Variants in PREX1 observed in about 807,000 individuals in gnomAD.
The protein encoded by PREX1 is phosphatidylinositol 3,4,5-trisphosphate-dependent Rac exchanger 1 protein.
In PREX1, 41 loss-of-function variants were observed where a neutral mutation model predicts 198.3. That is an observed-to-expected ratio of 0.21 (90% CI 0.16 to 0.27). The LOEUF is 0.27. Ranked by LOEUF, PREX1 falls within the 10% of genes least tolerant of loss-of-function variation. The probability of loss-of-function intolerance (pLI) is 1.00; values close to 1 mark genes in which losing one functional copy is unlikely to be tolerated. For missense variants in PREX1, 1,620 were observed against 2,200.7 expected (o/e 0.74, Z 5.28); for synonymous variants, 843 against 887.2 (o/e 0.95, Z 0.89).
chr20:48,809,940 G>A (rs571786078), intron 1 of PREX1, among the ~76,000 whole-genome samples: 4 of 152,256 alleles, frequency 2.6e-5, no homozygotes, highest in East Asian at 1.9e-4. Flanking sequence ...AAACAGATTC[G>A]CACCCTCTAA....
intron 1 of PREX1, among the ~76,000 whole-genome samples, chr20:48,815,802 T>G (rs2090456249): frequency 6.6e-6 from 1 of 150,974 alleles, no homozygotes; most frequent in Admixed American, 6.6e-5. Context: ...AGGTCAGGGG[T>G]TTGAGACCAC....
chr20:48,776,242 G>A (rs2426100), intron 1 of PREX1, among the ~76,000 whole-genome samples: 1 of 151,982 alleles, frequency 6.6e-6, no homozygotes, highest in Non-Finnish European at 1.5e-5. Context: ...AAAGAGTGAA[G>A]CTAGAGTCCG....
chr20:48,747,782 A>T (rs200708006), intron 2 of PREX1, 27 bp downstream of exon 2: 278 of 1,596,372 alleles, frequency 1.7e-4, no homozygotes, highest in Non-Finnish European at 1.4e-5. Flanking sequence ...GATGCTCTAG[A>T]ACAGGGGCCA....
chr20:48,716,649 G>A (rs766053992), intron 5 of PREX1, among the ~76,000 whole-genome samples: 6 of 152,198 alleles, frequency 3.9e-5, no homozygotes, highest in South Asian at 2.1e-4. Context: ...TGGAGTCCAG[G>A]AGAGGTCACC....
chr20:48,662,692 AATCGCCC>A (rs1222271862), intron 15 of PREX1, among the ~76,000 whole-genome samples: 2 of 152,150 alleles, frequency 1.3e-5, no homozygotes, highest in East Asian at 3.9e-4. Context: ...GGCCCCTCCC[AATCGCCC>A]ATCCTGCACC....
the PREX1 span, among the ~76,000 whole-genome samples, chr20:48,836,873 A>C: frequency 7.6e-6 from 1 of 130,762 alleles, no homozygotes; most frequent in African/African-American, 2.9e-5. Context: ...ACTGCACTCC[A>C]CCTGGGCGAC....
rs376886223 is a variant in PREX1 at position 48,681,678 on chromosome 20, A to AGATG, written c.1335-347_1335-344dup. Among the ~76,000 whole-genome samples the AGATG allele has an allele frequency of 6.5e-3, 970 of 150,200 alleles. 12 individuals carry two copies. Among genetic ancestry groups the AGATG allele is most frequent in the East Asian group, 0.056 (284 of 5,054 alleles). The stretch of plus-strand genomic sequence containing the variant: ...CAGGTTGGTGGATGAGTGACTACAT[A>AGATG]GATGGATGGATGGATGGATGGATGG... On this transcript the variant is annotated intron_variant, in intron 10 of 39. Transcript: ENST00000371941.
At chr20:48,762,494 G>T (rs1033457482) in intron 1 of PREX1, among the ~76,000 whole-genome samples, 3 of 152,150 alleles carry the variant, frequency 2.0e-5, no homozygotes, top group Admixed American at 1.3e-4. Context: ...ATGTCCCCTG[G>T]AGGCAAAATC....
At position 48,650,012 on chromosome 20, in the gene PREX1, G is replaced by A; in HGVS notation, c.3012C>T (p.Gly1004=). The change falls in exon 24 of 40, where the codon GGC becomes GGT. Residue 1004 remains glycine (G), a synonymous_variant. Transcript: ENST00000371941. ...IRFGRKPSLI[G]LDPEQGHLNP... ...CACAGGTACCTTGCTCCGGGTCAAGGCCGATGAGGGAGGGTTTGCGTCCAA... is the reference window on the plus strand; with the variant it reads ...CACAGGTACCTTGCTCCGGGTCAAGACCGATGAGGGAGGGTTTGCGTCCAA... The A allele has an allele frequency of 1.2e-6, 2 of 1,614,128 alleles. No individual in the cohort carries two copies. The highest frequency in any genetic ancestry group is 1.7e-6 in the Non-Finnish European group (2 of 1,180,020).
At position 48,627,971 on chromosome 20, in the gene PREX1, AG is replaced by A; in HGVS notation, c.4767-9del. 7.8e-7 allele frequency: 1 copy of A among 1,286,218 alleles called. No individual in the cohort carries two copies. The highest frequency in any genetic ancestry group is 1.1e-6 in the Non-Finnish European group (1 of 938,414). The allele number at this position is 1,286,218 out of a possible 1,614,324, so 79.7% of individuals were successfully genotyped here. ...GACACGCTCAGGGTGCTCCTGCAGCAGGGGAGGGAGGACAGCGGGTTGGCGG... is the reference window on the plus strand; with the variant it reads ...GACACGCTCAGGGTGCTCCTGCAGCAGGGAGGGAGGACAGCGGGTTGGCGG... On this transcript the variant is annotated splice_polypyrimidine_tract_variant and intron_variant, in intron 37 of 39. Coordinates refer to ENST00000371941, the MANE Select transcript of PREX1 (RefSeq NM_020820.4).
At chr20:48,865,834 T>C in the PREX1 span, among the ~76,000 whole-genome samples, 4 of 152,182 alleles carry the variant, frequency 2.6e-5, no homozygotes, top group African/African-American at 9.6e-5. Context: ...AAACTCTCCC[T>C]GGAAGAAGGC....
intron 1 of PREX1, among the ~76,000 whole-genome samples, chr20:48,752,305 T>C (rs1022484540): frequency 6.6e-5 from 10 of 152,346 alleles, no homozygotes; most frequent in African/African-American, 2.2e-4. Context: ...AGAGAGAATA[T>C]TGTTTTGCAT....
chr20:48,856,293 A>G, the PREX1 span, among the ~76,000 whole-genome samples: 2 of 152,246 alleles, frequency 1.3e-5, no homozygotes, highest in Non-Finnish European at 1.5e-5. Context: ...TGGATGGGAA[A>G]TTGCTCTGAG....
At position 48,704,567 on chromosome 20, in the gene PREX1, CTCTT is replaced by C. The variant is rs2089893362; in HGVS notation, c.784-3685_784-3682del. On this transcript the variant is annotated intron_variant, in intron 6 of 39. Coordinates refer to ENST00000371941, the MANE Select transcript of PREX1 (RefSeq NM_020820.4). ...TTCCTTCCTTCCTTCCTCCCTCCCTCTCTTTTTTTTTGATGGAGTCTAGCTCTGT... is the reference window on the plus strand; with the variant it reads ...TTCCTTCCTTCCTTCCTCCCTCCCTCTTTTTTTGATGGAGTCTAGCTCTGT... Among the ~76,000 whole-genome samples, 7 of 136,912 alleles carry C rather than the reference CTCTT, an allele frequency of 5.1e-5. No homozygotes were observed. In the South Asian group the frequency reaches 1.8e-3, roughly 35 times the overall value. 89.8% of individuals were successfully genotyped at this position (136,912 alleles called of 152,430 possible). A position where few individuals can be genotyped will look rare whatever the true frequency, so the allele number is the denominator to read the frequency against.
rs200336495 is a variant in PREX1 at position 48,641,799 on chromosome 20, CAAGAAAGAAAGA to C, written c.3775+357_3775+368del. Among the ~76,000 whole-genome samples the C allele has an allele frequency of 2.3e-3, 274 of 116,760 alleles. 10 individuals carry two copies. Among genetic ancestry groups the C allele is most frequent in the East Asian group, 0.02 (78 of 3,984 alleles). The allele number at this position is 116,760 out of a possible 152,430, so 76.6% of individuals were successfully genotyped here. A position where few individuals can be genotyped will look rare whatever the true frequency, so the allele number is the denominator to read the frequency against. ...AGAGTGAGACCCTTTCTCCAAAAAA[CAAGAAAGAAAGA>C]AAGAAAGAAAGAAAGAGAGAGAGAG... On this transcript the variant is annotated intron_variant, in intron 29 of 39. Transcript: ENST00000371941.
the PREX1 span, among the ~76,000 whole-genome samples, chr20:48,852,045 C>T: frequency 6.6e-6 from 1 of 151,892 alleles, no homozygotes; most frequent in Non-Finnish European, 1.5e-5. Context: ...TGGGTCTGCA[C>T]CTATTTTTTT....
chr20:48,722,296 G>A (rs142290907), intron 5 of PREX1, among the ~76,000 whole-genome samples: 3 of 152,300 alleles, frequency 2.0e-5, no homozygotes, highest in South Asian at 2.1e-4. Context: ...AGGAGGCACC[G>A]ACACGCTCCA....
chr20:48,781,812 G>A (rs948527959), intron 1 of PREX1, among the ~76,000 whole-genome samples: 2 of 152,140 alleles, frequency 1.3e-5, no homozygotes, highest in African/African-American at 2.4e-5. Flanking sequence ...AATTTGCTAC[G>A]AATTTGCATG....
chr20:48,734,429 T>G, intron 4 of PREX1, 117 bp downstream of exon 4: 1 of 889,914 alleles, frequency 1.1e-6, no homozygotes, highest in Non-Finnish European at 1.8e-6. Flanking sequence ...GGCAGGAGAT[T>G]ACCCCAGCCA....
Sources: gnomAD v4.1 joint callset for allele counts (sites outside exome capture counted in the v4.1 genomes callset) on GRCh38, gnomAD v4.1.1 for gene constraint, MANE v1.5 for transcripts, NCBI Gene and HGNC (gene_info 2026-07-23, HGNC 2026-07-21) for gene names.